NRG1: variants seen among roughly 807,000 people sequenced by gnomAD.
NRG1 encodes the protein pro-neuregulin-1, membrane-bound isoform.
A neutral mutation model predicts 63.8 loss-of-function variants in NRG1; 18 were observed. The ratio of observed to expected loss-of-function variants is 0.28; its 90% CI spans 0.19 to 0.42. The LOEUF (loss-of-function observed/expected upper bound fraction) is 0.42, where lower values mean the gene tolerates loss of function less well. Ranked by LOEUF, NRG1 falls within the 10% of genes least tolerant of loss-of-function variation. NRG1 has a pLI of 1.00. For missense variants in NRG1, 762 were observed against 814.7 expected (o/e 0.94, Z 0.79); for synonymous variants, 302 against 301.3 (o/e 1.00, Z -0.02).
At chr8:32,075,320 A>C (rs928004425) in intron 1 of NRG1, among the ~76,000 whole-genome samples, 4 of 152,178 alleles carry the variant, frequency 2.6e-5, no homozygotes, top group Non-Finnish European at 5.9e-5. Flanking sequence ...GGAATAAATC[A>C]TGCCAGTCAG....
chr8:31,812,400 G>A (rs1041800724), intron 1 of NRG1, among the ~76,000 whole-genome samples: 24 of 152,112 alleles, frequency 1.6e-4, no homozygotes, highest in Non-Finnish European at 5.9e-5. Context: ...CTGCTCCTGG[G>A]ACAACATTTA....
intron 5 of NRG1, among the ~76,000 whole-genome samples, chr8:32,679,401 A>G (rs925127791): frequency 4.6e-5 from 7 of 152,288 alleles, no homozygotes; most frequent in Middle Eastern, 3.4e-3. Context: ...ATTGAAAATC[A>G]TGATAATAGA....
chr8:31,847,095 TA>T (rs1275448841), intron 1 of NRG1, among the ~76,000 whole-genome samples: 1 of 152,226 alleles, frequency 6.6e-6, no homozygotes, highest in Non-Finnish European at 1.5e-5. Context: ...AAGATCACAT[TA>T]ATAGGTTTCC....
At chr8:31,793,411 C>T (rs1319528688) in intron 1 of NRG1, among the ~76,000 whole-genome samples, 1 of 152,188 alleles carries the variant, frequency 6.6e-6, no homozygotes, top group Non-Finnish European at 1.5e-5. Flanking sequence ...AAAGGGGCTT[C>T]ACTCAGTGAC....
At chr8:31,890,808 T>G (rs1831088187) in intron 1 of NRG1, among the ~76,000 whole-genome samples, 1 of 152,174 alleles carries the variant, frequency 6.6e-6, no homozygotes, top group South Asian at 2.1e-4. Context: ...GACCTAATGT[T>G]CGGACAGAAA....
At chr8:32,636,904 A>AGGCT (rs1851441021) in intron 5 of NRG1, among the ~76,000 whole-genome samples, 1 of 151,990 alleles carries the variant, frequency 6.6e-6, no homozygotes, top group Non-Finnish European at 1.5e-5. Flanking sequence ...TGATGGGTGG[A>AGGCT]GGCTGGGGGA....
intron 1 of NRG1, among the ~76,000 whole-genome samples, chr8:32,171,845 C>T (rs2132014684): frequency 6.6e-6 from 1 of 152,200 alleles, no homozygotes; most frequent in Non-Finnish European, 1.5e-5. Context: ...ACAAAGCGGC[C>T]AGGAAGCTCG....
intron 1 of NRG1, among the ~76,000 whole-genome samples, chr8:32,055,427 T>C (rs1822755378): frequency 2.0e-5 from 3 of 152,166 alleles, no homozygotes; most frequent in Non-Finnish European, 4.4e-5. Flanking sequence ...AGATTTATTA[T>C]ATGCTTATGG....
At chr8:32,243,434 G>GA (rs35033032) in intron 1 of NRG1, among the ~76,000 whole-genome samples, 52 of 133,474 alleles carry the variant, frequency 3.9e-4, no homozygotes, top group Admixed American at 1.0e-3. Context: ...TGTCTCAAAA[G>GA]AAAAAAAAAA....
At chr8:32,252,758 A>G (rs1404885845) in intron 1 of NRG1, among the ~76,000 whole-genome samples, 1 of 152,152 alleles carries the variant, frequency 6.6e-6, no homozygotes, top group Non-Finnish European at 1.5e-5. Flanking sequence ...TGATGGGGAT[A>G]GCATTGAATC....
chr8:32,466,834 T>C (rs1288338595), intron 1 of NRG1, among the ~76,000 whole-genome samples: 1 of 152,132 alleles, frequency 6.6e-6, no homozygotes, highest in Admixed American at 6.5e-5. Context: ...CAGTAACTCC[T>C]CTATTCATAT....
At chr8:32,666,524 T>C (rs1232978414) in intron 5 of NRG1, among the ~76,000 whole-genome samples, 1 of 152,212 alleles carries the variant, frequency 6.6e-6, no homozygotes, top group African/African-American at 2.4e-5. Context: ...CCTGGCCCTA[T>C]TGTATCACTT....
chr8:32,590,861 C>A (rs908493777), intron 1 of NRG1, among the ~76,000 whole-genome samples: 3 of 151,988 alleles, frequency 2.0e-5, no homozygotes, highest in African/African-American at 7.3e-5. Flanking sequence ...TTAGTTTGCA[C>A]TTTTATAAGA....
At chr8:32,036,911 C>T (rs1819163345) in intron 1 of NRG1, among the ~76,000 whole-genome samples, 1 of 152,128 alleles carries the variant, frequency 6.6e-6, no homozygotes, top group African/African-American at 2.4e-5. Context: ...TGTTATTACC[C>T]ATCTTCTGAA....
upstream of NRG1, among the ~76,000 whole-genome samples, chr8:32,545,742 A>G (rs1234185287): frequency 1.3e-5 from 2 of 152,200 alleles, no homozygotes; most frequent in Non-Finnish European, 2.9e-5. Context: ...ATAAAGACCT[A>G]ACGATTTTTA....
chr8:32,099,359 C>A (rs1830277159), intron 1 of NRG1: 1 of 152,454 alleles, frequency 6.6e-6, no homozygotes, highest in Non-Finnish European at 1.5e-5. Flanking sequence ...TTTTTGGTTT[C>A]TCCTGCTCCC....
chr8:32,132,051 T>G (rs1834894869), intron 1 of NRG1, among the ~76,000 whole-genome samples: 1 of 152,024 alleles, frequency 6.6e-6, no homozygotes, highest in Non-Finnish European at 1.5e-5. Flanking sequence ...TTGGACAGTT[T>G]TGGCAATTGG....
At chr8:31,868,750 G>C (rs914755891) in intron 1 of NRG1, among the ~76,000 whole-genome samples, 3 of 152,186 alleles carry the variant, frequency 2.0e-5, no homozygotes, top group African/African-American at 7.2e-5. Flanking sequence ...CTATGGCATA[G>C]GTAATATGAT....
intron 5 of NRG1, among the ~76,000 whole-genome samples, chr8:32,685,805 G>A (rs907359849): frequency 3.3e-5 from 5 of 152,302 alleles, no homozygotes; most frequent in Middle Eastern, 3.4e-3. Context: ...TGAGAGAAAG[G>A]AGATCTGAGG....
Sources: allele counts gnomAD v4.1 joint callset (sites outside exome capture counted in the v4.1 genomes callset), GRCh38; gene constraint gnomAD v4.1.1; transcripts MANE v1.5; gene names NCBI Gene and HGNC (gene_info 2026-07-23, HGNC 2026-07-21).